Variants in RAD54B observed in about 807,000 individuals in gnomAD.
RAD54B encodes DNA repair and recombination protein RAD54B.
A neutral mutation model predicts 95.8 loss-of-function variants in RAD54B; 78 were observed. The ratio of observed to expected loss-of-function variants is 0.81; its 90% CI spans 0.68 to 0.98. The LOEUF (loss-of-function observed/expected upper bound fraction) is 0.98. Among genes scored for constraint, RAD54B ranks in the 50% least tolerant of loss-of-function variants. The pLI is 0.00. For missense variants in RAD54B, 957 were observed against 1,056.6 expected (o/e 0.91, Z 1.31); for synonymous variants, 328 against 354.9 (o/e 0.92, Z 0.85).
chr8:94,430,036 G>A (rs1812047513), intron 3 of RAD54B: 5 of 985,084 alleles, frequency 5.1e-6, no homozygotes, highest in African/African-American at 1.7e-5. Flanking sequence ...TATTTAGGCT[G>A]GGCACGGTGG....
intron 3 of RAD54B, among the ~76,000 whole-genome samples, chr8:94,446,497 T>C (rs1380685465): frequency 2.6e-5 from 4 of 152,092 alleles, no homozygotes; most frequent in South Asian, 2.1e-4. Context: ...ATAAAAAAAA[T>C]AGTAGGTCAC....
At chr8:94,378,402 G>T in intron 13 of RAD54B, 22 bp from the exon 14 acceptor site, 3 of 1,591,284 alleles carry the variant, frequency 1.9e-6, no homozygotes, top group Non-Finnish European at 2.6e-6. Context: ...ACATTAATTA[G>T]ATTTCCTTCA....
chr8:94,419,538 A>G (rs1197887740), intron 3 of RAD54B, among the ~76,000 whole-genome samples: 3 of 152,118 alleles, frequency 2.0e-5, no homozygotes, highest in African/African-American at 7.2e-5. Context: ...TGAAAATAAA[A>G]TTAAAGCAAA....
chr8:94,413,869 T>C (rs528127844), intron 3 of RAD54B, among the ~76,000 whole-genome samples: 76 of 149,720 alleles, frequency 5.1e-4, no homozygotes, highest in African/African-American at 1.7e-3. Flanking sequence ...AGAGTTTTGC[T>C]CTGTAGCCCA....
In RAD54B at chr8:94,422,751, A is replaced by ATT. The variant is rs1383561463; in HGVS notation, c.305-11438_305-11437dup. Among the ~76,000 whole-genome samples the ATT allele has an allele frequency of 7.8e-4, 93 of 118,862 alleles. 1 individual carries two copies. The highest frequency in any genetic ancestry group is 1.0e-3 in the Admixed American group (12 of 11,952). The allele number at this position is 118,862 out of a possible 152,430, so 78.0% of individuals were successfully genotyped here. A position where few individuals can be genotyped will look rare whatever the true frequency, so the allele number is the denominator to read the frequency against. On this transcript the variant is annotated intron_variant, in intron 3 of 14. Coordinates refer to ENST00000336148, the MANE Select transcript of RAD54B (RefSeq NM_012415.3). Reference sequence around the variant, plus strand: ...CTAGAAAGCCTCCTCACCACAAAAAATTATATATATATATATATATATATA... The same window carrying ATT: ...CTAGAAAGCCTCCTCACCACAAAAAATTTTATATATATATATATATATATATA...
rs201714764 is a variant in RAD54B at position 94,466,420 on chromosome 8, T to TG, written c.135+984_135+985insC. On this transcript the variant is annotated intron_variant, in intron 2 of 14. Coordinates refer to ENST00000336148, the MANE Select transcript of RAD54B (RefSeq NM_012415.3). ...CTTCCAGTATTCACTTTTTTTTTTT[T>TG]TGGGGGGGACGGAGTCTTGCTCTGT... Among the ~76,000 whole-genome samples the TG allele has an allele frequency of 1.6e-4, 24 of 150,924 alleles. No homozygotes were observed. In the South Asian group the frequency reaches 1.9e-3, roughly 12 times the overall value.
chr8:94,372,903 A>G (rs951436422), intron 14 of RAD54B: 5 of 152,580 alleles, frequency 3.3e-5, no homozygotes, highest in African/African-American at 1.2e-4. Context: ...TATGAAGAAA[A>G]AAAAACCTTT....
intron 2 of RAD54B, among the ~76,000 whole-genome samples, chr8:94,466,408 C>CT (rs1194398092): frequency 1.5e-3 from 220 of 142,776 alleles, no homozygotes; most frequent in African/African-American, 3.1e-3. Flanking sequence ...CCAGTATTCA[C>CT]TTTTTTTTTT....
chr8:94,469,180 T>C (rs566911972), intron 1 of RAD54B, among the ~76,000 whole-genome samples: 32 of 151,976 alleles, frequency 2.1e-4, no homozygotes, highest in Admixed American at 1.9e-3. Flanking sequence ...TCAAGGGCTA[T>C]TGAAAAGAAT....
chr8:94,455,183 T>C (rs972786484), intron 3 of RAD54B, among the ~76,000 whole-genome samples: 3 of 152,204 alleles, frequency 2.0e-5, no homozygotes, highest in Admixed American at 6.5e-5. Flanking sequence ...AGCATGACTT[T>C]TGTTCCAAAA....
At position 94,393,869 on chromosome 8, in the gene RAD54B, CTGAAT is replaced by C. The variant is rs1245569121; in HGVS notation, c.1387_1391del (p.Ile463GlufsTer2). Reference sequence around the variant, plus strand: ...ATGCAAAAAATTCTTGCAGATCATTCTGAATTGGAGTACCTAAAGAGAGACAAAAA... The same window carrying C: ...ATGCAAAAAATTCTTGCAGATCATTCTGGAGTACCTAAAGAGAGACAAAAA... On this transcript the variant is annotated frameshift_variant, in exon 9 of 15. Transcript: ENST00000336148. LOFTEE classifies it high-confidence loss of function. 2 of 1,605,906 alleles carry C rather than the reference CTGAAT, an allele frequency of 1.2e-6. No individual in the cohort carries two copies. Among genetic ancestry groups the C allele is most frequent in the Admixed American group, 3.4e-5 (2 of 58,396 alleles).
intron 3 of RAD54B, chr8:94,427,976 C>G (rs1322813930): frequency 1.1e-6 from 1 of 922,100 alleles, no homozygotes; most frequent in African/African-American, 1.8e-5. Flanking sequence ...TCATCATACA[C>G]AAAAGAAAAA....
At chr8:94,440,102 A>C (rs2130131955) in intron 3 of RAD54B, among the ~76,000 whole-genome samples, 1 of 152,296 alleles carries the variant, frequency 6.6e-6, no homozygotes, top group East Asian at 1.9e-4. Flanking sequence ...ATCGGAAAGT[A>C]AGTCATGATA....
In RAD54B at chr8:94,399,435, C is replaced by A; in HGVS notation, c.1357G>T (p.Glu453Ter). 1 of 1,613,270 alleles carries A rather than the reference C, an allele frequency of 6.2e-7. No individual in the cohort carries two copies. Among genetic ancestry groups the A allele is most frequent in the South Asian group, 1.1e-5 (1 of 90,992 alleles). The change falls in exon 8 of 15, where the codon GAG (glutamate) becomes TAG (stop). Residue 453 changes from glutamate to a stop codon, truncating the protein, a stop_gained. Transcript: ENST00000336148. LOFTEE classifies it high-confidence loss of function. Reference protein sequence around the residue: ...TTTALISLSCEKRIILTGTPI... With the variant: ...TTTALISLSC ...TGACCAGTTAGAATTATTCTTTTCT[C>A]ACAAGAAAGGCTAATGAGGGCTGTA...
chr8:94,474,647 G>C (rs1220613420), intron 1 of RAD54B, among the ~76,000 whole-genome samples: 2 of 152,166 alleles, frequency 1.3e-5, no homozygotes, highest in African/African-American at 2.4e-5. Flanking sequence ...TGGCCCTGGG[G>C]AAGGAAATTC....
At chr8:94,403,013 G>T (rs548347700) in intron 6 of RAD54B, among the ~76,000 whole-genome samples, 2 of 152,236 alleles carry the variant, frequency 1.3e-5, no homozygotes, top group East Asian at 3.9e-4. Flanking sequence ...TAAGACCTTC[G>T]AAAGAAAAAG....
rs570504708 is a variant in RAD54B, at chr8:94,421,456, T to C, written c.305-10141A>G. Among the ~76,000 whole-genome samples, 4 of 152,318 alleles carry C rather than the reference T, an allele frequency of 2.6e-5. No homozygotes were observed. The South Asian group carries it at 8.3e-4, about 32-fold the overall frequency. ...ACTTCTCTTTAAGTAGCCTGTCCAC[T>C]TGAGCGGATTCAGTGCTGCCCAGGT... is the stretch of plus-strand genomic sequence containing the variant. On this transcript the variant is annotated intron_variant, in intron 3 of 14. Transcript: ENST00000336148.
chr8:94,450,314 A>C (rs1051936913), intron 3 of RAD54B, among the ~76,000 whole-genome samples: 1 of 152,208 alleles, frequency 6.6e-6, no homozygotes, highest in Non-Finnish European at 1.5e-5. Flanking sequence ...CCTCAACCAT[A>C]ATATCAAAGT....
At chr8:94,393,080 C>T (rs527587075) in intron 9 of RAD54B, among the ~76,000 whole-genome samples, 1 of 151,998 alleles carries the variant, frequency 6.6e-6, no homozygotes, top group East Asian at 1.9e-4. Flanking sequence ...CCTCAGCCTC[C>T]CAAAGTGCTG....
Sources: allele counts gnomAD v4.1 joint callset (sites outside exome capture counted in the v4.1 genomes callset), GRCh38; gene constraint gnomAD v4.1.1; transcripts MANE v1.5; gene names NCBI Gene and HGNC (gene_info 2026-07-23, HGNC 2026-07-21).